The following ANKRD12 variants were observed in gnomAD, a reference collection of about 807,000 sequenced individuals.
ANKRD12 encodes the protein ankyrin repeat domain 12, also known as ankyrin repeat domain-containing protein 12.
ANKRD12 carries 85 observed loss-of-function variants against 183.4 expected under a neutral mutation model. The ratio of observed to expected loss-of-function variants is 0.46; its 90% CI spans 0.39 to 0.56. ANKRD12 has a LOEUF of 0.56. ANKRD12 is among the 20% of genes least tolerant of loss of function. The pLI is 0.00. For synonymous variants in ANKRD12, 914 were observed against 800.2 expected (o/e 1.14, Z -2.40); for missense variants, 2,405 against 2,357.1 (o/e 1.02, Z -0.42).
intron 2 of ANKRD12, among the ~76,000 whole-genome samples, chr18:9,188,750 T>C (rs2034267129): frequency 6.6e-6 from 1 of 152,240 alleles, no homozygotes; most frequent in Non-Finnish European, 1.5e-5. Flanking sequence ...ATGATGATGA[T>C]TAGTGATCTT....
At chr18:9,161,737 GAT>G (rs1491192354) in intron 1 of ANKRD12, among the ~76,000 whole-genome samples, 1 of 146,776 alleles carries the variant, frequency 6.8e-6, no homozygotes, top group Non-Finnish European at 1.5e-5. Context: ...GTGATATGTT[GAT>G]GTGTGTGTGT....
Position 9,255,961 on chromosome 18 carries a change from C to G in ANKRD12, c.2694C>G (p.Asp898Glu), listed in dbSNP as rs61729632. 1 of 1,565,398 alleles carries G rather than the reference C, an allele frequency of 6.4e-7. No individual in the cohort carries two copies. The highest frequency in any genetic ancestry group is 8.6e-7 in the Non-Finnish European group (1 of 1,163,806). ...ATACTGCTGCTATTAAAAAAACTGA[C>G]GACAGAGAGAAAAGTAGAGAAAAGA... The part of the protein sequence containing the change: ...SKNTAAIKKT[D>E]DREKSREKMD... The change falls in exon 9 of 13, where the codon GAC becomes GAG. Residue 898 changes from aspartate (D) to glutamate (E), a missense_variant. Asp to Glu is a conservative substitution (Grantham distance 45). Around this residue, in one of 7 missense-constraint regions of ANKRD12, gnomAD observed 1,983 missense variants for 1,725.9 expected, o/e 1.15. Transcript: ENST00000262126.
At chr18:9,212,709 T>C (rs535299593) in intron 6 of ANKRD12, among the ~76,000 whole-genome samples, 2 of 151,988 alleles carry the variant, frequency 1.3e-5, no homozygotes, top group East Asian at 1.9e-4. Context: ...TCTGTATCAA[T>C]TCATACTACC....
intron 1 of ANKRD12, among the ~76,000 whole-genome samples, chr18:9,144,762 C>T (rs375739679): frequency 2.0e-5 from 3 of 151,906 alleles, no homozygotes; most frequent in Admixed American, 1.3e-4. Flanking sequence ...TATATTGCTT[C>T]CTTTCAAAAC....
intron 2 of ANKRD12, among the ~76,000 whole-genome samples, chr18:9,185,770 G>C (rs914411918): frequency 7.9e-5 from 12 of 152,134 alleles, no homozygotes; most frequent in Admixed American, 7.9e-4. Flanking sequence ...AACCAAGGGA[G>C]GTTCCACAGA....
At chr18:9,259,869 C>T (rs1374158905) in intron 9 of ANKRD12, 4 of 152,072 alleles carry the variant, frequency 2.6e-5, no homozygotes, top group Non-Finnish European at 5.9e-5. Flanking sequence ...AATGTCTCCC[C>T]TACCTCAAGG....
intron 8 of ANKRD12, among the ~76,000 whole-genome samples, chr18:9,246,595 T>C (rs994850815): frequency 5.3e-5 from 8 of 152,264 alleles, no homozygotes; most frequent in Non-Finnish European, 8.8e-5. Context: ...TTGAATCTTT[T>C]TGTCTTCAAT....
rs1045129530 is a variant in ANKRD12, at chr18:9,257,773, T to G, written c.4506T>G (p.Ala1502=). The change falls in exon 9 of 13, where the codon GCT becomes GCG. Residue 1502 remains alanine, a synonymous_variant. Transcript: ENST00000262126. ...TCCCCAGCCAATCACTTTCAGATGC[T>G]GAATCGATTTCTAAACATATGTCTT... ...CSFPSQSLSD[A]ESISKHMSLS... is the part of the protein sequence containing the mutation. 6.2e-7 allele frequency: 1 copy of G among 1,614,088 alleles called. No homozygotes were observed. Among genetic ancestry groups the G allele is most frequent in the Non-Finnish European group, 8.5e-7 (1 of 1,180,004 alleles).
chr18:9,254,371 T>C lies in ANKRD12; in HGVS notation c.1104T>C (p.Asp368=), dbSNP rs1352666774. 1 of 1,609,724 alleles carries C rather than the reference T, an allele frequency of 6.2e-7. No homozygotes were observed. The highest frequency in any genetic ancestry group is 1.3e-5 in the African/African-American group (1 of 74,786). The change falls in exon 9 of 13, where the codon GAT becomes GAC. Residue 368 remains aspartate (D), a synonymous_variant. Coordinates refer to ENST00000262126, the MANE Select transcript of ANKRD12 (RefSeq NM_015208.5). ...AGTATGAGTTCAAAGATGATGATGA[T>C]GAAGAAATTAATAAGATGATTGATG... is the stretch of plus-strand genomic sequence containing the variant. ...LDEYEFKDDD[D]EEINKMIDDR...
chr18:9,150,024 T>G (rs1412712106), intron 1 of ANKRD12, among the ~76,000 whole-genome samples: 1 of 152,096 alleles, frequency 6.6e-6, no homozygotes, highest in African/African-American at 2.4e-5. Context: ...CTCGACCTCC[T>G]GACCTCAGGT....
chr18:9,221,731 G>A, intron 7 of ANKRD12, 121 bp from the exon 8 acceptor site: 1 of 954,240 alleles, frequency 1.0e-6, no homozygotes, highest in Non-Finnish European at 1.5e-6. Flanking sequence ...TAGATGGTGA[G>A]GAATGGATGC....
chr18:9,159,739 C>G (rs1472725538), intron 1 of ANKRD12, among the ~76,000 whole-genome samples: 4 of 151,692 alleles, frequency 2.6e-5, no homozygotes. Context: ...GCGCCTGGCC[C>G]TTCACCATCC....
chr18:9,174,506 G>A (rs571035612), intron 1 of ANKRD12, among the ~76,000 whole-genome samples: 4 of 152,330 alleles, frequency 2.6e-5, no homozygotes, highest in African/African-American at 9.6e-5. Context: ...GGGTTCATGA[G>A]GGGATCTCCT....
intron 10 of ANKRD12, among the ~76,000 whole-genome samples, chr18:9,271,034 C>T (rs2039576101): frequency 6.6e-6 from 1 of 152,126 alleles, no homozygotes; most frequent in African/African-American, 2.4e-5. Context: ...CGCAGAACTG[C>T]AGTTAGGTGT....
At chr18:9,216,213 C>G (rs888990139) in intron 6 of ANKRD12, among the ~76,000 whole-genome samples, 1 of 151,916 alleles carries the variant, frequency 6.6e-6, no homozygotes, top group African/African-American at 2.4e-5. Flanking sequence ...TTACTTTTAC[C>G]TCTTCTCCCT....
At chr18:9,211,478 G>T (rs56105700) in intron 5 of ANKRD12, 106 bp from the exon 6 acceptor site, 1 of 984,476 alleles carries the variant, frequency 1.0e-6, no homozygotes, top group African/African-American at 1.6e-5. Flanking sequence ...GGGTGAGAAG[G>T]CATTCCTTGT....
chr18:9,285,874 T>A lies in ANKRD12; in HGVS notation c.*4748T>A, dbSNP rs1357919312. The A allele has an allele frequency of 6.6e-6, 1 of 152,202 alleles. No homozygotes were observed. Among genetic ancestry groups the A allele is most frequent in the Non-Finnish European group, 1.5e-5 (1 of 68,020 alleles). 9.4% of individuals were successfully genotyped at this position (152,202 alleles called of 1,614,324 possible). ...CACCTAACAGTAATGAGTCGTAATT[T>A]ATTAATGAGTAGTAGTGTATTGTAC... is the stretch of plus-strand genomic sequence containing the variant. On this transcript the variant is annotated 3_prime_UTR_variant, in exon 13 of 13. Coordinates refer to ENST00000262126, the MANE Select transcript of ANKRD12 (RefSeq NM_015208.5).
intron 1 of ANKRD12, among the ~76,000 whole-genome samples, chr18:9,168,256 C>G (rs1220864265): frequency 3.9e-5 from 6 of 152,178 alleles, no homozygotes. Flanking sequence ...GGAGGATTCC[C>G]TCTTTTTCTA....
At chr18:9,138,493 A>C (rs1308226684) in intron 1 of ANKRD12, among the ~76,000 whole-genome samples, 1 of 152,234 alleles carries the variant, frequency 6.6e-6, no homozygotes, top group Non-Finnish European at 1.5e-5. Flanking sequence ...AGCCTGGGCC[A>C]CAAGAGCGAA....
Sources: allele counts gnomAD v4.1 joint callset (sites outside exome capture counted in the v4.1 genomes callset), GRCh38; gene constraint gnomAD v4.1.1; regional missense constraint gnomAD v4.1.1; transcripts MANE v1.5; gene names NCBI Gene and HGNC (gene_info 2026-07-23, HGNC 2026-07-21).